Variants in ZNF292 observed in about 807,000 individuals in gnomAD.
ZNF292 encodes the protein zinc finger protein 292.
Under a neutral mutation model 217.9 loss-of-function variants are expected in ZNF292, and 26 were observed. The ratio of observed to expected loss-of-function variants is 0.12; its 90% CI spans 0.09 to 0.17. ZNF292 has a LOEUF of 0.17. Among genes scored for constraint, ZNF292 ranks in the 10% least tolerant of loss-of-function variants. The pLI is 1.00. For synonymous variants in ZNF292, 1,257 were observed against 1,124.1 expected (o/e 1.12, Z -2.37); for missense variants, 2,904 against 3,175.2 (o/e 0.91, Z 2.05).
chr6:87,253,971 GAA>G (rs1231906874), intron 7 of ZNF292, among the ~76,000 whole-genome samples: 10 of 152,294 alleles, frequency 6.6e-5, no homozygotes, highest in Non-Finnish European at 1.0e-4. Context: ...TAATTCAAAA[GAA>G]AAAGTTTGTT....
chr6:87,222,801 T>G (rs75489193), intron 4 of ZNF292: 1 of 453,514 alleles, frequency 2.2e-6, no homozygotes, highest in African/African-American at 2.0e-5. Context: ...TTACATTTAG[T>G]CGTCATGTCT....
intron 5 of ZNF292, 100 bp downstream of exon 5, chr6:87,233,627 A>G (rs915701113): frequency 6.7e-7 from 1 of 1,484,132 alleles, no homozygotes. Context: ...TAGCGAAGAG[A>G]TCATTGTCAA....
rs1386372801 is a variant in ZNF292 at position 87,257,619 on chromosome 6, C to G, written c.3990C>G (p.Phe1330Leu). ...FPSQVNVANN[F>L]SSTNAQQSAP... is the part of the protein sequence containing the mutation. Reference sequence around the variant, plus strand: ...CACAAGTGAATGTTGCAAATAACTTCAGTAGCACCAATGCCCAACAGTCTG... The same window carrying G: ...CACAAGTGAATGTTGCAAATAACTTGAGTAGCACCAATGCCCAACAGTCTG... The change falls in exon 8 of 8, where the codon TTC (phenylalanine) becomes TTG (leucine). Residue 1330 changes from phenylalanine to leucine, a missense_variant. This residue lies in a region of ZNF292 where 687 missense variants were observed against 623.0 expected (regional missense o/e 1.10). Coordinates refer to ENST00000369577, the MANE Select transcript of ZNF292 (RefSeq NM_015021.3). 4.4e-6 allele frequency: 7 copies of G among 1,607,774 alleles called. No homozygotes were observed. The highest frequency in any genetic ancestry group is 5.9e-6 in the Non-Finnish European group (7 of 1,176,762).
chr6:87,259,488 A>G lies in ZNF292; in HGVS notation c.5859A>G (p.Thr1953=). ...CTCCCTTTAAATGTGTAGTACCTACATGTACAAAAACATTTACAAGAAATT... is the reference window on the plus strand; with the variant it reads ...CTCCCTTTAAATGTGTAGTACCTACGTGTACAAAAACATTTACAAGAAATT... ...KFAPFKCVVP[T]CTKTFTRNSN... Residue 1953 remains threonine (T), a synonymous_variant, in exon 8 of 8, where the codon ACA becomes ACG. Transcript: ENST00000369577. 2 of 1,589,164 alleles carry G rather than the reference A, an allele frequency of 1.3e-6. No homozygotes were observed. The highest frequency in any genetic ancestry group is 4.5e-5 in the East Asian group (2 of 43,958).
intron 7 of ZNF292, among the ~76,000 whole-genome samples, chr6:87,252,784 A>T (rs1397682640): frequency 6.6e-6 from 1 of 152,232 alleles, no homozygotes; most frequent in Non-Finnish European, 1.5e-5. Flanking sequence ...GTTTTACTGT[A>T]CAAGTTTTAA....
At position 87,260,945 on chromosome 6, in the gene ZNF292, C is replaced by G. The variant is rs200115652; in HGVS notation, c.7316C>G (p.Ser2439Cys). 6.1e-5 allele frequency: 98 copies of G among 1,610,652 alleles called. 1 individual carries two copies. In the African/African-American group the frequency reaches 1.3e-3, roughly 21 times the overall value. ...TGCAACTCACAAGTAAAGGAAACGT[C>G]TGAGCAAGAAGGTGCTAAGAATGAT... ...RCCNSQVKETSEQEGAKNDVK... is the reference protein window; with the variant it reads ...RCCNSQVKETCEQEGAKNDVK... The change falls in exon 8 of 8, where the codon TCT becomes TGT. Residue 2439 changes from serine (S) to cysteine (C), a missense_variant. By Grantham distance (112) the Ser-to-Cys change is moderately radical (BLOSUM62 -1). Coordinates refer to ENST00000369577, the MANE Select transcript of ZNF292 (RefSeq NM_015021.3).
At position 87,155,633 on chromosome 6, in the gene ZNF292, C is replaced by T; in HGVS notation, c.42C>T (p.Gly14=). The stretch of plus-strand genomic sequence containing the variant: ...CCGAGCAGGAGAGGTTGAGTTGCGG[C>T]GAAGGCGGCTGCGTCGCGGAGCTGC... ...EEAEQERLSC[G]EGGCVAELQR... Residue 14 remains glycine (G), a synonymous_variant, in exon 1 of 8, where the codon GGC becomes GGT. Coordinates refer to ENST00000369577, the MANE Select transcript of ZNF292 (RefSeq NM_015021.3). 6.3e-7 allele frequency: 1 copy of T among 1,582,636 alleles called. No homozygotes were observed. The highest frequency in any genetic ancestry group is 1.2e-5 in the South Asian group (1 of 86,658).
rs193176959 is a variant in ZNF292 at position 87,205,075 on chromosome 6, G to T, written c.169-10828G>T. On this transcript the variant is annotated intron_variant, in intron 1 of 7. Coordinates refer to ENST00000369577, the MANE Select transcript of ZNF292 (RefSeq NM_015021.3). ...GAATTGTTTGCTGGGGTTTTTTCCC[G>T]CTCTCCACTGGCCCCAGACATGATA... 2.6e-3 allele frequency among the ~76,000 whole-genome samples: 392 copies of T among 151,868 alleles called. 2 individuals are homozygous for T. Among genetic ancestry groups the T allele is most frequent in the African/African-American group, 9.1e-3 (376 of 41,416 alleles).
At position 87,259,890 on chromosome 6, in the gene ZNF292, AGAAAAG is replaced by A. The variant is rs1775466565; in HGVS notation, c.6264_6269del (p.Lys2089_Glu2090del). 8.7e-6 allele frequency: 14 copies of A among 1,613,628 alleles called. No individual in the cohort carries two copies. In the East Asian group the frequency reaches 2.9e-4, roughly 33 times the overall value. On this transcript the variant is annotated inframe_deletion, in exon 8 of 8. Coordinates refer to ENST00000369577, the MANE Select transcript of ZNF292 (RefSeq NM_015021.3). Reference sequence around the variant, plus strand: ...GACGGAAGATTAGGAGGCATAAAAAAGAAAAGGAGGAGAAAAAACGAAAGAAGCCAG... The same window carrying A: ...GACGGAAGATTAGGAGGCATAAAAAAGAGGAGAAAAAACGAAAGAAGCCAG...
rs983362956 is a variant in ZNF292, at chr6:87,260,697, T to G, written c.7068T>G (p.Pro2356=). The G allele has an allele frequency of 6.2e-7, 1 of 1,613,182 alleles. No individual in the cohort carries two copies. The highest frequency in any genetic ancestry group is 1.7e-5 in the Admixed American group (1 of 59,856). ...AKIVQIEENK[P]YSLKRGKHVY... is the part of the protein sequence containing the mutation. ...TTGTGCAGATTGAAGAAAATAAGCC[T>G]TATTCTCTGAAACGTGGGAAGCATG... Residue 2356 remains proline, a synonymous_variant, in exon 8 of 8, where the codon CCT becomes CCG. Coordinates refer to ENST00000369577, the MANE Select transcript of ZNF292 (RefSeq NM_015021.3).
At chr6:87,156,695 G>T (rs1415288964) in intron 1 of ZNF292, among the ~76,000 whole-genome samples, 1 of 152,162 alleles carries the variant, frequency 6.6e-6, no homozygotes, top group Non-Finnish European at 1.5e-5. Flanking sequence ...TTCTTTGCTT[G>T]CCCAAGGGCA....
At chr6:87,193,621 A>G (rs1212794193) in intron 1 of ZNF292, among the ~76,000 whole-genome samples, 1 of 152,076 alleles carries the variant, frequency 6.6e-6, no homozygotes, top group Non-Finnish European at 1.5e-5. Flanking sequence ...CTTCAACTGT[A>G]ATGTATCTTT....
intron 1 of ZNF292, among the ~76,000 whole-genome samples, chr6:87,159,908 C>T (rs1204547900): frequency 6.6e-6 from 1 of 152,142 alleles, no homozygotes; most frequent in Admixed American, 6.5e-5. Flanking sequence ...TTAAAATTGA[C>T]TTAGAATAAG....
rs369118632 is a variant in ZNF292, at chr6:87,189,130, G to A, written c.169-26773G>A. Among the ~76,000 whole-genome samples the A allele has an allele frequency of 2.8e-3, 428 of 152,168 alleles. 2 individuals carry two copies. Among genetic ancestry groups the A allele is most frequent in the Non-Finnish European group, 5.1e-3 (346 of 68,014 alleles). On this transcript the variant is annotated intron_variant, in intron 1 of 7. Transcript: ENST00000369577. ...TGAGGCATGAGAATTGTTTGAACCC[G>A]AGAGACAGAGGTTGCAGTGAGTTGA...
At chr6:87,225,020 A>C (rs1773272278) in intron 4 of ZNF292, among the ~76,000 whole-genome samples, 1 of 152,178 alleles carries the variant, frequency 6.6e-6, no homozygotes. Flanking sequence ...CCTTACCAAC[A>C]ATTGGTATTG....
intron 4 of ZNF292, among the ~76,000 whole-genome samples, chr6:87,221,763 T>G (rs879893444): frequency 2.0e-5 from 3 of 152,178 alleles, no homozygotes; most frequent in Non-Finnish European, 4.4e-5. Flanking sequence ...TTCCTCTTTT[T>G]TGAGTGCATT....
At chr6:87,177,917 CCTAA>C (rs930710369) in intron 1 of ZNF292, among the ~76,000 whole-genome samples, 20 of 152,206 alleles carry the variant, frequency 1.3e-4, no homozygotes, top group Admixed American at 3.3e-4. Context: ...AGTGTCCCAT[CCTAA>C]CTGATTGGCA....
rs569878405 is a variant in ZNF292, at chr6:87,265,143, C to T, written c.*3342C>T. ...TTTGTTTTTTTTGGAGACAGAGTCT[C>T]GCTCTGTTGCCCAGGCTGGAGTGCA... On this transcript the variant is annotated 3_prime_UTR_variant, in exon 8 of 8. Coordinates refer to ENST00000369577, the MANE Select transcript of ZNF292 (RefSeq NM_015021.3). 2.6e-5 allele frequency among the ~76,000 whole-genome samples: 4 copies of T among 152,094 alleles called. No homozygotes were observed. The highest frequency in any genetic ancestry group is 4.4e-5 in the Non-Finnish European group (3 of 67,998).
chr6:87,231,537 C>G (rs961982558), intron 4 of ZNF292, among the ~76,000 whole-genome samples: 1 of 152,128 alleles, frequency 6.6e-6, no homozygotes, highest in African/African-American at 2.4e-5. Context: ...TTTTTGAAAT[C>G]CATTTTGCCC....
Sources: allele counts gnomAD v4.1 joint callset (sites outside exome capture counted in the v4.1 genomes callset), GRCh38; gene constraint gnomAD v4.1.1; regional missense constraint gnomAD v4.1.1; transcripts MANE v1.5; gene names NCBI Gene and HGNC (gene_info 2026-07-23, HGNC 2026-07-21).